CHD1L: variants seen among roughly 807,000 people sequenced by gnomAD.
CHD1L encodes the protein chromodomain helicase DNA binding protein 1 like, also known as ATP-dependent chromatin remodeler CHD1L.
CHD1L carries 118 observed loss-of-function variants against 115.9 expected under a neutral mutation model. That is an observed-to-expected ratio of 1.02 (90% CI 0.88 to 1.19). CHD1L has a LOEUF of 1.19. Ranked by LOEUF, CHD1L falls within the 50% of genes most tolerant of loss-of-function variation. The probability of loss-of-function intolerance (pLI) is 0.00; values close to 1 mark genes in which losing one functional copy is unlikely to be tolerated. For missense variants in CHD1L, 1,179 were observed against 1,065.3 expected (o/e 1.11, Z -1.49); for synonymous variants, 411 against 387.1 (o/e 1.06, Z -0.72).
intron 4 of CHD1L, 25 bp from the exon 5 acceptor site, chr1:147,256,506 A>G: frequency 6.2e-7 from 1 of 1,608,256 alleles, no homozygotes; most frequent in South Asian, 1.1e-5. Flanking sequence ...GCCAGCCTTT[A>G]TAACGTGTCT....
rs1553960660 is a variant in CHD1L, at chr1:147,280,023, AAGTTG to A, written c.1541_1545del (p.Leu514Ter). ...CTGGACTTTTTTGTTTCCTCTATTC[AAGTTG>A]AGTGAGATACTCAAATTTGGTTTGG... On this transcript the variant is annotated splice_acceptor_variant and coding_sequence_variant, in exon 15 of 23. Coordinates refer to ENST00000369258, the MANE Select transcript of CHD1L (RefSeq NM_004284.6). LOFTEE classifies it high-confidence loss of function. The A allele has an allele frequency of 6.2e-7, 1 of 1,613,648 alleles. No homozygotes were observed. Among genetic ancestry groups the A allele is most frequent in the South Asian group, 1.1e-5 (1 of 91,054 alleles).
the CHD1L span, among the ~76,000 whole-genome samples, chr1:147,214,455 A>C: frequency 5.8e-3 from 1 of 172 alleles, no homozygotes. Context: ...TGTCTGAAAA[A>C]AAACAAAAAA....
the CHD1L span, chr1:147,210,612 A>T: frequency 6.6e-6 from 1 of 152,152 alleles, no homozygotes; most frequent in Non-Finnish European, 1.5e-5. Context: ...TGGCTATATA[A>T]CTTCTGCTGA....
At chr1:147,219,372 T>C in the CHD1L span, among the ~76,000 whole-genome samples, 1 of 152,164 alleles carries the variant, frequency 6.6e-6, no homozygotes. Flanking sequence ...GTCGACTTAT[T>C]AAGGCAGTAG....
At position 147,293,709 on chromosome 1, in the gene CHD1L, A is replaced by T. The variant is rs1553973256; in HGVS notation, c.2493A>T (p.Ala831=). 6.2e-7 allele frequency: 1 copy of T among 1,613,002 alleles called. No homozygotes were observed. ...GCCTGAAGAAGATATTTTTAGCAGC[A>T]AAAAAGAAGAAAGGTAAGCTCTTCC... ...EEGLKKIFLA[A]KKKKASVHLP... The change falls in exon 21 of 23, where the codon GCA becomes GCT. Residue 831 remains alanine, a synonymous_variant. Transcript: ENST00000369258.
chr1:147,283,889 G>A (rs1421028362), intron 15 of CHD1L, among the ~76,000 whole-genome samples: 1 of 152,168 alleles, frequency 6.6e-6, no homozygotes, highest in Admixed American at 6.5e-5. Flanking sequence ...GACGCTTGAT[G>A]AGATCTGTAA....
chr1:147,204,738 C>T, the CHD1L span: 1 of 1,517,940 alleles, frequency 6.6e-7, no homozygotes, highest in Non-Finnish European at 9.2e-7. Context: ...CATCATTTGT[C>T]ACAAACAACT....
In CHD1L at chr1:147,259,936, C is replaced by G. The variant is rs1347227148; in HGVS notation, c.576+18C>G. 1.9e-6 allele frequency: 3 copies of G among 1,589,486 alleles called. No homozygotes were observed. The African/African-American group carries it at 4.1e-5, about 22-fold the overall frequency. ...TGTCAGAGGTAAACTTACAGTGTAG[C>G]CTTAGTTTTTATATAACCCCTTCTT... On this transcript the variant is annotated intron_variant, in intron 6 of 22. Coordinates refer to ENST00000369258, the MANE Select transcript of CHD1L (RefSeq NM_004284.6).
At chr1:147,264,696 C>G (rs1553946801) in intron 7 of CHD1L, 112 bp downstream of exon 7, 4 of 1,105,436 alleles carry the variant, frequency 3.6e-6, no homozygotes, top group Non-Finnish European at 3.9e-6. Flanking sequence ...AGGACACCTT[C>G]CAGGGAGACA....
chr1:147,187,792 A>G, the CHD1L span, among the ~76,000 whole-genome samples: 1 of 150,766 alleles, frequency 6.6e-6, no homozygotes, highest in Admixed American at 6.6e-5. Flanking sequence ...TGAAATTATT[A>G]CACCAAGTGC....
At chr1:147,186,704 G>A in the CHD1L span, 1 of 1,404,568 alleles carries the variant, frequency 7.1e-7, no homozygotes, top group African/African-American at 1.5e-5. Flanking sequence ...GACGGATCAT[G>A]AGTGGAAGGG....
chr1:147,261,413 T>TTTTTTTA (rs375382138), intron 6 of CHD1L, among the ~76,000 whole-genome samples: 5 of 92,604 alleles, frequency 5.4e-5, no homozygotes, highest in Non-Finnish European at 1.2e-4. Context: ...TTTTTTTTTT[T>TTTTTTTA]ATATATAAAG....
chr1:147,228,766 A>G, the CHD1L span, among the ~76,000 whole-genome samples: 1 of 152,158 alleles, frequency 6.6e-6, no homozygotes, highest in South Asian at 2.1e-4. Context: ...GCCAGTGATG[A>G]TGAGCATTTT....
At chr1:147,203,226 A>C in the CHD1L span, 2 of 990,836 alleles carry the variant, frequency 2.0e-6, no homozygotes, top group Non-Finnish European at 3.1e-6. Context: ...GATTCTTAGA[A>C]TACTACTACA....
At position 147,252,755 on chromosome 1, in the gene CHD1L, GTACTGCTCACCGCCACTGCGA is replaced by G; in HGVS notation, c.240+25_240+45del. Reference sequence around the variant, plus strand: ...TGCCAGGTGTGTTACTATGCGACGAGTACTGCTCACCGCCACTGCGATACTTCCTTATAACTCATTCTGGAG... The same window carrying G: ...TGCCAGGTGTGTTACTATGCGACGAGTACTTCCTTATAACTCATTCTGGAG... On this transcript the variant is annotated intron_variant, in intron 2 of 22. Coordinates refer to ENST00000369258, the MANE Select transcript of CHD1L (RefSeq NM_004284.6). 2 of 1,560,284 alleles carry G rather than the reference GTACTGCTCACCGCCACTGCGA, an allele frequency of 1.3e-6. No individual in the cohort carries two copies. The highest frequency in any genetic ancestry group is 1.8e-6 in the Non-Finnish European group (2 of 1,131,712).
At chr1:147,189,476 T>C in the CHD1L span, among the ~76,000 whole-genome samples, 1 of 152,138 alleles carries the variant, frequency 6.6e-6, no homozygotes, top group African/African-American at 2.4e-5. Flanking sequence ...AGGAAAGTTA[T>C]GCAAGTATCA....
the CHD1L span, among the ~76,000 whole-genome samples, chr1:147,218,712 C>T: frequency 6.6e-6 from 1 of 152,202 alleles, no homozygotes; most frequent in Non-Finnish European, 1.5e-5. Context: ...AATCTTCATC[C>T]AGTGTTGTCC....
At chr1:147,295,232 G>A (rs782230386) in intron 22 of CHD1L, among the ~76,000 whole-genome samples, 199 bp from the exon 23 acceptor site, 3 of 152,128 alleles carry the variant, frequency 2.0e-5, no homozygotes, top group South Asian at 4.1e-4. Flanking sequence ...TGCACAATTC[G>A]AGCAGTATCT....
intron 20 of CHD1L, among the ~76,000 whole-genome samples, chr1:147,292,053 CCT>C (rs1259878491): frequency 3.9e-5 from 6 of 152,162 alleles, no homozygotes; most frequent in African/African-American, 1.2e-4. Context: ...CTGTACTTCC[CCT>C]GTCCCCAGGC....
Sources: gnomAD v4.1 joint callset for allele counts (sites outside exome capture counted in the v4.1 genomes callset) on GRCh38, gnomAD v4.1.1 for gene constraint, MANE v1.5 for transcripts, NCBI Gene and HGNC (gene_info 2026-07-23, HGNC 2026-07-21) for gene names.